The following NSL1 variants were observed in gnomAD, a reference collection of about 807,000 sequenced individuals.
NSL1 encodes kinetochore-associated protein NSL1 homolog.
Under a neutral mutation model 25.4 loss-of-function variants are expected in NSL1, and 11 were observed. The observed-to-expected ratio is 0.43, with a 90% CI of 0.27 to 0.72. NSL1 has a LOEUF of 0.72. NSL1 is among the 30% of genes least tolerant of loss of function. The pLI is 0.19. For synonymous variants in NSL1, 118 were observed against 120.6 expected, an observed-to-expected ratio of 0.98 and a Z score of 0.14; for missense variants, 330 against 342.7, an observed-to-expected ratio of 0.96 and a Z score of 0.29.
At chr1:212,771,625 A>AAC (rs1421850875) in intron 4 of NSL1, among the ~76,000 whole-genome samples, 1 of 149,858 alleles carries the variant, frequency 6.7e-6, no homozygotes, top group Non-Finnish European at 1.5e-5. Context: ...AAAAAAAAAA[A>AAC]AAAAAAACCT....
chr1:212,780,416 T>C (rs1368270368), intron 4 of NSL1, among the ~76,000 whole-genome samples: 1 of 149,806 alleles, frequency 6.7e-6, no homozygotes, highest in African/African-American at 2.5e-5. Flanking sequence ...CTTTGTTCAC[T>C]TGTTTATCTG....
At chr1:212,785,444 A>C (rs1425855506) in intron 2 of NSL1, among the ~76,000 whole-genome samples, 1 of 151,646 alleles carries the variant, frequency 6.6e-6, no homozygotes, top group Non-Finnish European at 1.5e-5. Context: ...GCACCCATTA[A>C]CTCGTCATTT....
chr1:212,755,795 A>T, intron 4 of NSL1, among the ~76,000 whole-genome samples: 1 of 152,110 alleles, frequency 6.6e-6, no homozygotes, highest in African/African-American at 2.4e-5. Flanking sequence ...TAAAAATTTT[A>T]CATTAAGCTT....
chr1:212,782,355 A>C lies in NSL1; in HGVS notation c.499+17T>G. On this transcript the variant is annotated intron_variant, in intron 4 of 5. Transcript: ENST00000366977. ...AAGCAGATGCTTCATTTTTACCACA[A>C]ATGGATACTGACTCACCTGGATCAG... The C allele has an allele frequency of 6.3e-7, 1 of 1,586,122 alleles. No homozygotes were observed.
chr1:212,728,235 T>C lies in NSL1; in HGVS notation c.*10173A>G, dbSNP rs1657868026. 1 of 952,760 alleles carries C rather than the reference T, an allele frequency of 1.0e-6. No homozygotes were observed. The highest frequency in any genetic ancestry group is 1.2e-6 in the Non-Finnish European group (1 of 800,316). The allele number at this position is 952,760 out of a possible 1,614,324, so 59.0% of individuals were successfully genotyped here. On this transcript the variant is annotated 3_prime_UTR_variant, in exon 6 of 6. Coordinates refer to ENST00000366977, the MANE Select transcript of NSL1 (RefSeq NM_015471.4). ...ATGGTAACTACTAGCATTATATTGA[T>C]ATTACCTTCAGCAAATAAGTTGATA... is the stretch of plus-strand genomic sequence containing the variant.
chr1:212,786,566 G>T (rs1255939152), intron 2 of NSL1, among the ~76,000 whole-genome samples: 1 of 152,168 alleles, frequency 6.6e-6, no homozygotes, highest in Non-Finnish European at 1.5e-5. Context: ...CCAACACTTT[G>T]GGAGGCCAAG....
chr1:212,726,543 A>G lies in NSL1; in HGVS notation c.*11865T>C, dbSNP rs192932940. On this transcript the variant is annotated 3_prime_UTR_variant, in exon 6 of 6. Coordinates refer to ENST00000366977, the MANE Select transcript of NSL1 (RefSeq NM_015471.4). ...TACTCTCTCTGGCCCTCTGGTCTCC[A>G]CAGCAAATGCCCCTGTCCACCTTGT... The G allele has an allele frequency of 6.5e-6, 1 of 152,834 alleles. No homozygotes were observed. Among genetic ancestry groups the G allele is most frequent in the African/African-American group, 2.4e-5 (1 of 41,580 alleles). 9.5% of individuals were successfully genotyped at this position (152,834 alleles called of 1,614,324 possible). A position where few individuals can be genotyped will look rare whatever the true frequency, so the allele number is the denominator to read the frequency against.
Position 212,784,452 on chromosome 1 carries a change from TG to T in NSL1, c.354del (p.Ile119Ter). 1.9e-6 allele frequency: 3 copies of T among 1,587,248 alleles called. No homozygotes were observed. The highest frequency in any genetic ancestry group is 2.6e-6 in the Non-Finnish European group (3 of 1,160,308). ...TTACGTTTTGTGGCTATATCTACTATGATTTCATCAAACTGATCTTCAAGTA... is the reference window on the plus strand; with the variant it reads ...TTACGTTTTGTGGCTATATCTACTATATTTCATCAAACTGATCTTCAAGTA... ...IKVLEDQFDEIIVDIATKRKQ... is the reference protein window; with the variant it reads ...IKVLEDQFDEXIVDIATKRKQ... On this transcript the variant is annotated frameshift_variant, in exon 3 of 6. Coordinates refer to ENST00000366977, the MANE Select transcript of NSL1 (RefSeq NM_015471.4). LOFTEE classifies it high-confidence loss of function.
At position 212,727,134 on chromosome 1, in the gene NSL1, C is replaced by T; in HGVS notation, c.*11274G>A. Reference sequence around the variant, plus strand: ...GAAGGGATGAAGGTTCCCCGATCCCCTTCTCTCCTAAACTGCCCCTAGAGC... The same window carrying T: ...GAAGGGATGAAGGTTCCCCGATCCCTTTCTCTCCTAAACTGCCCCTAGAGC... On this transcript the variant is annotated 3_prime_UTR_variant, in exon 6 of 6. Transcript: ENST00000366977. 6.3e-7 allele frequency: 1 copy of T among 1,576,018 alleles called. No individual in the cohort carries two copies.
rs139958351 is a variant in NSL1 at position 212,729,649 on chromosome 1, G to A, written c.*8759C>T. 2.6e-5 allele frequency: 26 copies of A among 985,340 alleles called. No individual in the cohort carries two copies. The highest frequency in any genetic ancestry group is 1.0e-4 in the African/African-American group (6 of 57,326). The allele number at this position is 985,340 out of a possible 1,614,324, so 61.0% of individuals were successfully genotyped here. A position where few individuals can be genotyped will look rare whatever the true frequency, so the allele number is the denominator to read the frequency against. ...GAATATGACAAGTCAGAGAGAATTC[G>A]AACACTTATTTTAACCTTTTCACCA... is the stretch of plus-strand genomic sequence containing the variant. On this transcript the variant is annotated 3_prime_UTR_variant, in exon 6 of 6. Transcript: ENST00000366977.
At chr1:212,765,737 T>C (rs554459556) in intron 4 of NSL1, among the ~76,000 whole-genome samples, 18 of 151,400 alleles carry the variant, frequency 1.2e-4, no homozygotes, top group Non-Finnish European at 2.7e-4. Flanking sequence ...ACCTGGAAAG[T>C]GGAGGCTGCA....
At chr1:212,746,519 A>C (rs1658803613) in intron 4 of NSL1, among the ~76,000 whole-genome samples, 1 of 152,212 alleles carries the variant, frequency 6.6e-6, no homozygotes, top group South Asian at 2.1e-4. Flanking sequence ...AACAAATACC[A>C]AAATAGCAAA....
At chr1:212,776,718 CAA>C (rs10538346) in intron 4 of NSL1, among the ~76,000 whole-genome samples, 11,932 of 142,982 alleles carry the variant, frequency 0.083, 527 homozygotes, top group African/African-American at 0.14. Context: ...CAAAACAAAA[CAA>C]AACAACAACA....
chr1:212,767,010 T>C (rs976156107), intron 4 of NSL1, among the ~76,000 whole-genome samples: 58 of 152,140 alleles, frequency 3.8e-4, no homozygotes. Context: ...AAAATGACCA[T>C]ACTGCCAGAC....
intron 4 of NSL1, among the ~76,000 whole-genome samples, chr1:212,772,794 T>G (rs907013469): frequency 6.6e-6 from 1 of 152,118 alleles, no homozygotes; most frequent in African/African-American, 2.4e-5. Context: ...ACTACCTCAC[T>G]TCAAAATATA....
At chr1:212,765,996 C>CAA (rs1659789387) in intron 4 of NSL1, among the ~76,000 whole-genome samples, 1 of 151,430 alleles carries the variant, frequency 6.6e-6, no homozygotes, top group Non-Finnish European at 1.5e-5. Context: ...ATTAGCTGGG[C>CAA]GTGGTGGCGG....
Position 212,736,623 on chromosome 1 carries a change from T to G in NSL1, c.*1785A>C, listed in dbSNP as rs1325342247. 9 of 985,274 alleles carry G rather than the reference T, an allele frequency of 9.1e-6. No homozygotes were observed. The highest frequency in any genetic ancestry group is 1.1e-5 in the Non-Finnish European group (9 of 829,866). 61.0% of individuals were successfully genotyped at this position (985,274 alleles called of 1,614,324 possible). A position where few individuals can be genotyped will look rare whatever the true frequency, so the allele number is the denominator to read the frequency against. On this transcript the variant is annotated 3_prime_UTR_variant, in exon 6 of 6. Transcript: ENST00000366977. ...TCTATTTTAAACTCTGCTATAACTA[T>G]GGAGTAAAACTTTGGGCTCTCAAGA...
chr1:212,767,986 G>C (rs1659898116), intron 4 of NSL1, among the ~76,000 whole-genome samples: 1 of 152,186 alleles, frequency 6.6e-6, no homozygotes, highest in Non-Finnish European at 1.5e-5. Context: ...ATGTAAATTA[G>C]TACAACCACT....
In NSL1 at chr1:212,730,934, CAATATG is replaced by C; in HGVS notation, c.*7468_*7473del. On this transcript the variant is annotated 3_prime_UTR_variant, in exon 6 of 6. Transcript: ENST00000366977. ...GGGAAACCGACAAGTTAGAAATTTG[CAATATG>C]AACTCATTCATTCAACGAATATTAG... is the stretch of plus-strand genomic sequence containing the variant. 7 of 985,372 alleles carry C rather than the reference CAATATG, an allele frequency of 7.1e-6. No homozygotes were observed. Among genetic ancestry groups the C allele is most frequent in the Non-Finnish European group, 7.2e-6 (6 of 829,926 alleles). The allele number at this position is 985,372 out of a possible 1,614,324, so 61.0% of individuals were successfully genotyped here.
Sources: gnomAD v4.1 joint callset for allele counts (sites outside exome capture counted in the v4.1 genomes callset) on GRCh38, gnomAD v4.1.1 for gene constraint, MANE v1.5 for transcripts, NCBI Gene and HGNC (gene_info 2026-07-23, HGNC 2026-07-21) for gene names.